Variants in ASTN2 observed in about 807,000 individuals in gnomAD.
ASTN2 encodes astrotactin 2.
ASTN2 carries 54 observed loss-of-function variants against 139.8 expected under a neutral mutation model. The ratio of observed to expected loss-of-function variants is 0.39; its 90% CI spans 0.31 to 0.48. ASTN2 has a LOEUF of 0.48. Ranked by LOEUF, ASTN2 falls within the 20% of genes least tolerant of loss-of-function variation. ASTN2 has a pLI of 0.95. For synonymous variants in ASTN2, 756 were observed against 719.5 expected, an observed-to-expected ratio of 1.05 and a Z score of -0.81; for missense variants, 1,565 against 1,725.1, an observed-to-expected ratio of 0.91 and a Z score of 1.64.
chr9:117,030,002 T>C (rs953520999), intron 6 of ASTN2, among the ~76,000 whole-genome samples: 1 of 145,788 alleles, frequency 6.9e-6, no homozygotes, highest in African/African-American at 2.5e-5. Context: ...GGAGGGAGTA[T>C]TAGCATGTTT....
At chr9:116,898,569 C>A (rs1248533042) in intron 10 of ASTN2, among the ~76,000 whole-genome samples, 2 of 152,206 alleles carry the variant, frequency 1.3e-5, no homozygotes. Context: ...CCTGTAGTGT[C>A]TTCTGTCTGG....
chr9:117,149,287 G>A (rs547408610), intron 3 of ASTN2, among the ~76,000 whole-genome samples: 3 of 152,144 alleles, frequency 2.0e-5, no homozygotes, highest in African/African-American at 7.2e-5. Context: ...CAAAGTGCTG[G>A]GATTACAGGC....
chr9:117,365,100 C>T (rs972678173), intron 1 of ASTN2, among the ~76,000 whole-genome samples: 1 of 151,010 alleles, frequency 6.6e-6, no homozygotes, highest in Non-Finnish European at 1.5e-5. Context: ...AGTAAGCCAA[C>T]ATCACTTCAC....
At chr9:117,118,629 C>T (rs183347371) in intron 4 of ASTN2, among the ~76,000 whole-genome samples, 25 of 152,284 alleles carry the variant, frequency 1.6e-4, no homozygotes, top group Admixed American at 1.3e-3. Flanking sequence ...CACTAGTCTC[C>T]AATGGATGCT....
intron 5 of ASTN2, among the ~76,000 whole-genome samples, chr9:117,087,271 G>C (rs1199323745): frequency 1.3e-5 from 2 of 151,604 alleles, no homozygotes; most frequent in African/African-American, 2.4e-5. Flanking sequence ...GTCTCACTCT[G>C]ATGCCCAGTC....
In ASTN2 at chr9:117,060,444, GAA is replaced by G. The variant is rs1404065185; in HGVS notation, c.1277-20481_1277-20480del. On this transcript the variant is annotated intron_variant, in intron 5 of 22. Coordinates refer to ENST00000313400, the MANE Select transcript of ASTN2 (RefSeq NM_001365068.1). ...GAAGGAAGGAAGGAAGAGAGAGAGAGAAAGAAAGAAAGAAAGGAAGGAAGGAA... is the reference window on the plus strand; with the variant it reads ...GAAGGAAGGAAGGAAGAGAGAGAGAGAGAAAGAAAGAAAGGAAGGAAGGAA... 1.1e-3 allele frequency among the ~76,000 whole-genome samples: 74 copies of G among 69,124 alleles called. 6 individuals are homozygous for G. The highest frequency in any genetic ancestry group is 4.8e-3 in the African/African-American group (56 of 11,716). 45.3% of individuals were successfully genotyped at this position (69,124 alleles called of 152,430 possible).
intron 5 of ASTN2, among the ~76,000 whole-genome samples, chr9:117,052,889 C>T (rs1838954489): frequency 6.6e-6 from 1 of 152,192 alleles, no homozygotes; most frequent in Non-Finnish European, 1.5e-5. Flanking sequence ...AGAATATAGA[C>T]AGGTGGACCA....
chr9:117,042,306 GAGA>G (rs1251279584), intron 5 of ASTN2, among the ~76,000 whole-genome samples: 2 of 152,142 alleles, frequency 1.3e-5, no homozygotes, highest in Non-Finnish European at 2.9e-5. Flanking sequence ...CTGCTTGAAG[GAGA>G]AGATCCCACC....
intron 19 of ASTN2, among the ~76,000 whole-genome samples, chr9:116,574,875 G>A (rs144661891): frequency 5.5e-4 from 83 of 152,198 alleles, no homozygotes; most frequent in African/African-American, 1.8e-3. Flanking sequence ...CAACTGGTAC[G>A]GGCTCAAAAT....
At chr9:116,558,582 T>G (rs1852749453) in intron 19 of ASTN2, among the ~76,000 whole-genome samples, 1 of 152,150 alleles carries the variant, frequency 6.6e-6, no homozygotes, top group Non-Finnish European at 1.5e-5. Context: ...GAAGTTCAAC[T>G]CAGAGAAGTA....
chr9:117,265,747 T>G (rs1174314205), intron 2 of ASTN2, among the ~76,000 whole-genome samples: 3 of 151,444 alleles, frequency 2.0e-5, no homozygotes, highest in Non-Finnish European at 2.9e-5. Flanking sequence ...ACTCCACTGA[T>G]GCAAGTAGTC....
intron 19 of ASTN2, chr9:116,557,658 C>T (rs145080957): frequency 5.1e-4 from 77 of 152,214 alleles, no homozygotes; most frequent in African/African-American, 1.8e-3. Flanking sequence ...CAGGTTGGTA[C>T]AGAAGTGAAA....
intron 1 of ASTN2, among the ~76,000 whole-genome samples, chr9:117,401,887 C>G (rs556628395): frequency 6.6e-6 from 1 of 152,102 alleles, no homozygotes; most frequent in Non-Finnish European, 1.5e-5. Flanking sequence ...AACAAACAAA[C>G]AAACAAACAA....
intron 1 of ASTN2, among the ~76,000 whole-genome samples, chr9:117,304,191 A>G (rs933066882): frequency 5.9e-5 from 9 of 152,212 alleles, no homozygotes; most frequent in African/African-American, 2.2e-4. Context: ...GAGCAAATCA[A>G]TTGTCATAAG....
At chr9:117,202,246 A>G (rs1484894495) in intron 3 of ASTN2, among the ~76,000 whole-genome samples, 1 of 151,994 alleles carries the variant, frequency 6.6e-6, no homozygotes, top group Non-Finnish European at 1.5e-5. Context: ...TGAACATGAG[A>G]TGGGTCTCCT....
chr9:117,145,673 G>T (rs996179428), intron 3 of ASTN2, among the ~76,000 whole-genome samples: 7 of 152,018 alleles, frequency 4.6e-5, no homozygotes, highest in Non-Finnish European at 7.4e-5. Context: ...TCTTGTCCTG[G>T]TACCTTGAAA....
rs180813310 is a variant in ASTN2, at chr9:117,363,089, G to A, written c.442+51408C>T. Among the ~76,000 whole-genome samples the A allele has an allele frequency of 1.2e-3, 183 of 152,108 alleles. 2 individuals are homozygous for A. Among genetic ancestry groups the A allele is most frequent in the Middle Eastern group, 6.8e-3 (2 of 294 alleles). On this transcript the variant is annotated intron_variant, in intron 1 of 22. Coordinates refer to ENST00000313400, the MANE Select transcript of ASTN2 (RefSeq NM_001365068.1). ...CCAGCCTGCAATGCCTCATTGCCCC[G>A]GGTCCATTCCCTTAGCCCTGCCCAC... is the stretch of plus-strand genomic sequence containing the variant.
At chr9:116,703,096 C>T (rs2132083565) in intron 16 of ASTN2, among the ~76,000 whole-genome samples, 1 of 151,614 alleles carries the variant, frequency 6.6e-6, no homozygotes, top group East Asian at 1.9e-4. Flanking sequence ...GTCCCACCAA[C>T]AGTGTAAAAG....
intron 10 of ASTN2, among the ~76,000 whole-genome samples, chr9:116,919,118 T>C (rs374902302): frequency 1.9e-3 from 292 of 152,308 alleles, no homozygotes; most frequent in Non-Finnish European, 3.0e-3. Flanking sequence ...CCAAGTGTGC[T>C]ATGGCACAGA....
Sources: allele counts gnomAD v4.1 joint callset (sites outside exome capture counted in the v4.1 genomes callset), GRCh38; gene constraint gnomAD v4.1.1; transcripts MANE v1.5; gene names NCBI Gene and HGNC (gene_info 2026-07-23, HGNC 2026-07-21).